The following MAML2 variants were observed in gnomAD, a reference collection of about 807,000 sequenced individuals.
MAML2 encodes the protein mastermind-like protein 2.
Under a neutral mutation model 96.1 loss-of-function variants are expected in MAML2, and 22 were observed. The observed-to-expected ratio is 0.23, with a 90% CI of 0.16 to 0.33. The LOEUF (loss-of-function observed/expected upper bound fraction) is 0.33, where lower values mean the gene tolerates loss of function less well. Among genes scored for constraint, MAML2 ranks in the 10% least tolerant of loss-of-function variants. The probability of loss-of-function intolerance (pLI) is 1.00; values close to 1 mark genes in which losing one functional copy is unlikely to be tolerated. For missense variants in MAML2, 1,367 were observed against 1,392.4 expected (o/e 0.98, Z 0.29); for synonymous variants, 561 against 521.3 (o/e 1.08, Z -1.04).
Position 95,979,791 on chromosome 11 carries a change from A to G in MAML2, c.2628T>C (p.Asn876=). ...AAGTGACACTGTATGTGTTAGGTTG[A>G]TTACAAGGCAGATTTCCATACATCC... ...NMGMYGNLPC[N]QPNTYSVTSG... The change falls in exon 5 of 5, where the codon AAT becomes AAC. Residue 876 remains asparagine (N), a synonymous_variant. Coordinates refer to ENST00000524717, the MANE Select transcript of MAML2 (RefSeq NM_032427.4). 6.2e-7 allele frequency: 1 copy of G among 1,613,916 alleles called. No individual in the cohort carries two copies. Among genetic ancestry groups the G allele is most frequent in the South Asian group, 1.1e-5 (1 of 91,072 alleles).
Position 96,092,618 on chromosome 11 carries a change from T to A in MAML2, c.1413A>T (p.Ser471=). 1 of 1,613,224 alleles carries A rather than the reference T, an allele frequency of 6.2e-7. No homozygotes were observed. Among genetic ancestry groups the A allele is most frequent in the Non-Finnish European group, 8.5e-7 (1 of 1,179,436 alleles). The change falls in exon 2 of 5, where the codon TCA becomes TCT. Residue 471 remains serine, a synonymous_variant. Coordinates refer to ENST00000524717, the MANE Select transcript of MAML2 (RefSeq NM_032427.4). This position sits in a 1 kb window ranked among gnomAD's most constrained non-coding sequence, Gnocchi z 4.1. Reference sequence around the variant, plus strand: ...TTTTCTCCTGCCCAAATGGACCTGGTGATGGTCCAGCAGAAGAGGGCAAGG... The same window carrying A: ...TTTTCTCCTGCCCAAATGGACCTGGAGATGGTCCAGCAGAAGAGGGCAAGG... ...WSALPSSAGP[S]PGPFGQEKIP...
At chr11:96,187,791 T>TA (rs1861595211) in intron 1 of MAML2, among the ~76,000 whole-genome samples, 52 of 86,080 alleles carry the variant, frequency 6.0e-4, no homozygotes, top group African/African-American at 2.0e-3. Flanking sequence ...AAACTCTGTC[T>TA]CAAAAAAAAA....
At chr11:96,166,177 T>TCTCTCTCTCTCA (rs530578845) in intron 1 of MAML2, among the ~76,000 whole-genome samples, 13 of 110,382 alleles carry the variant, frequency 1.2e-4, no homozygotes, top group Non-Finnish European at 1.9e-4. Flanking sequence ...TCTCTCTCTC[T>TCTCTCTCTCTCA]CACACACACA....
chr11:96,262,407 G>A (rs180780862), intron 1 of MAML2, among the ~76,000 whole-genome samples: 46 of 151,468 alleles, frequency 3.0e-4, no homozygotes, highest in African/African-American at 8.5e-4. Flanking sequence ...ATTACTGCTC[G>A]TTTTCTTTCC....
Position 95,979,290 on chromosome 11 carries a change from G to A in MAML2, c.3129C>T (p.Pro1043=). The change falls in exon 5 of 5, where the codon CCC becomes CCT. Residue 1043 remains proline, a synonymous_variant. Transcript: ENST00000524717. ...TGGGTCTGAGATTCAGACCCCTGAG[G>A]GGACCCATGGTTTGCCCATTTAGTG... The part of the protein sequence containing the change: ...SQTLNGQTMG[P]LRGLNLRPNQ... The A allele has an allele frequency of 4.3e-6, 7 of 1,613,880 alleles. No homozygotes were observed. Among genetic ancestry groups the A allele is most frequent in the Non-Finnish European group, 5.9e-6 (7 of 1,179,864 alleles).
chr11:96,102,260 A>G (rs1158766774), intron 1 of MAML2, among the ~76,000 whole-genome samples: 2 of 152,236 alleles, frequency 1.3e-5, no homozygotes, highest in Non-Finnish European at 2.9e-5. Context: ...TGGGTGACAG[A>G]GAGAGACTCT....
chr11:96,316,829 G>A (rs1488238311), intron 1 of MAML2, among the ~76,000 whole-genome samples: 1 of 151,990 alleles, frequency 6.6e-6, no homozygotes, highest in Non-Finnish European at 1.5e-5. Flanking sequence ...CGAGGGGAGA[G>A]GGGATCCTGA....
chr11:96,240,024 G>C (rs1490221542), intron 1 of MAML2, among the ~76,000 whole-genome samples: 5 of 152,168 alleles, frequency 3.3e-5, no homozygotes, highest in African/African-American at 9.7e-5. Context: ...ATCAGTTACA[G>C]TCTATGAGAA....
intron 1 of MAML2, among the ~76,000 whole-genome samples, chr11:96,159,407 C>G (rs11607539): frequency 1.1e-5 from 1 of 91,122 alleles, no homozygotes; most frequent in African/African-American, 4.4e-5. Context: ...ACCACTGATT[C>G]TTTTTTTTTT....
At chr11:96,239,239 T>C (rs1183263090) in intron 1 of MAML2, among the ~76,000 whole-genome samples, 1 of 152,214 alleles carries the variant, frequency 6.6e-6, no homozygotes, top group Admixed American at 6.5e-5. Flanking sequence ...GATTTAATAC[T>C]TGGGAGGAGA....
At chr11:96,079,360 T>C (rs764458201) in intron 2 of MAML2, among the ~76,000 whole-genome samples, 18 of 152,130 alleles carry the variant, frequency 1.2e-4, no homozygotes, top group Non-Finnish European at 2.9e-5. Context: ...TTATCTGACA[T>C]TGGATTAAAC....
At chr11:96,217,502 T>A (rs1217603144) in intron 1 of MAML2, among the ~76,000 whole-genome samples, 3 of 152,208 alleles carry the variant, frequency 2.0e-5, no homozygotes, top group Non-Finnish European at 4.4e-5. Context: ...CACCGATAAT[T>A]TATTCGAGCA....
chr11:96,017,844 G>T (rs1459076884), intron 2 of MAML2, among the ~76,000 whole-genome samples: 2 of 152,192 alleles, frequency 1.3e-5, no homozygotes, highest in East Asian at 3.8e-4. Context: ...TGGAGAAGCA[G>T]GGGAGACATG....
chr11:96,126,041 C>T (rs1860432734), intron 1 of MAML2, among the ~76,000 whole-genome samples: 1 of 152,110 alleles, frequency 6.6e-6, no homozygotes, highest in Non-Finnish European at 1.5e-5. Context: ...TCCTGGTACA[C>T]CAGGAAAAAG....
intron 1 of MAML2, among the ~76,000 whole-genome samples, chr11:96,335,741 G>A (rs1173967993): frequency 2.0e-5 from 3 of 152,074 alleles, no homozygotes; most frequent in Admixed American, 1.3e-4. Flanking sequence ...CATTTTCCAG[G>A]GCTTCTGATT....
chr11:96,293,960 A>T (rs184510427), intron 1 of MAML2, among the ~76,000 whole-genome samples: 234 of 152,370 alleles, frequency 1.5e-3, no homozygotes, highest in Admixed American at 2.2e-3. Context: ...TTGGCTGTTC[A>T]GGCCAGAGCT....
chr11:96,129,076 C>T (rs1019915201), intron 1 of MAML2, among the ~76,000 whole-genome samples: 4 of 152,120 alleles, frequency 2.6e-5, no homozygotes, highest in African/African-American at 9.7e-5. Context: ...CACAAATCTA[C>T]TGGACAGTAT....
At chr11:96,183,908 A>G (rs1189739537) in intron 1 of MAML2, among the ~76,000 whole-genome samples, 1 of 152,224 alleles carries the variant, frequency 6.6e-6, no homozygotes, top group African/African-American at 2.4e-5. Flanking sequence ...TGAAATGAGC[A>G]TACCCAGTAC....
chr11:96,295,505 G>A, intron 1 of MAML2, among the ~76,000 whole-genome samples: 1 of 152,112 alleles, frequency 6.6e-6, no homozygotes, highest in African/African-American at 2.4e-5. Flanking sequence ...TAAGCTATGA[G>A]GACGAAATGC....
Sources: allele counts gnomAD v4.1 joint callset (sites outside exome capture counted in the v4.1 genomes callset), GRCh38; gene constraint gnomAD v4.1.1; non-coding constraint Gnocchi (gnomAD v3.1); transcripts MANE v1.5; gene names NCBI Gene and HGNC (gene_info 2026-07-23, HGNC 2026-07-21).